The following SHANK2 variants were observed in gnomAD, a reference collection of about 807,000 sequenced individuals.
SHANK2 encodes SH3 and multiple ankyrin repeat domains 2.
In SHANK2, 43 loss-of-function variants were observed where a neutral mutation model predicts 133.7. The observed-to-expected ratio is 0.32, with a 90% CI of 0.25 to 0.41. The LOEUF (loss-of-function observed/expected upper bound fraction) is 0.41. Among genes scored for constraint, SHANK2 ranks in the 10% least tolerant of loss-of-function variants. SHANK2 has a pLI of 1.00. For synonymous variants in SHANK2, 1,017 were observed against 952.8 expected (o/e 1.07, Z -1.24); for missense variants, 1,994 against 2,235.8 (o/e 0.89, Z 2.18).
chr11:70,795,531 G>A (rs1002307199), intron 14 of SHANK2, among the ~76,000 whole-genome samples: 3 of 151,262 alleles, frequency 2.0e-5, no homozygotes, highest in African/African-American at 4.9e-5. Context: ...TCAGCCTCCC[G>A]AGGAGCTGGG....
chr11:70,523,259 C>T (rs891580991), intron 17 of SHANK2, among the ~76,000 whole-genome samples: 3 of 152,232 alleles, frequency 2.0e-5, no homozygotes, highest in African/African-American at 7.2e-5. Flanking sequence ...CGACTGGTTA[C>T]AAATACAGAT....
At chr11:70,753,186 AC>A in intron 14 of SHANK2, among the ~76,000 whole-genome samples, 1 of 151,080 alleles carries the variant, frequency 6.6e-6, no homozygotes. Flanking sequence ...AAAAAAAAAA[AC>A]AAAAAACAAA....
chr11:71,082,179 C>T (rs1193308961), intron 8 of SHANK2, among the ~76,000 whole-genome samples: 2 of 152,238 alleles, frequency 1.3e-5, no homozygotes, highest in Non-Finnish European at 2.9e-5. Context: ...ATGAGCCACT[C>T]CTGGCTGGCA....
chr11:70,645,082 C>T (rs1354756009), intron 17 of SHANK2, among the ~76,000 whole-genome samples: 1 of 152,080 alleles, frequency 6.6e-6, no homozygotes, highest in African/African-American at 2.4e-5. Context: ...ATTAGCTGGG[C>T]ACCTATAATC....
chr11:70,706,863 T>A (rs1945672964), intron 14 of SHANK2, among the ~76,000 whole-genome samples: 1 of 152,128 alleles, frequency 6.6e-6, no homozygotes, highest in Admixed American at 6.5e-5. Context: ...AATAGACCTT[T>A]AAGCAGGGCT....
chr11:71,135,352 C>T (rs1333084390), intron 3 of SHANK2, among the ~76,000 whole-genome samples: 5 of 152,204 alleles, frequency 3.3e-5, no homozygotes, highest in African/African-American at 7.2e-5. Flanking sequence ...GCCCCCCAGG[C>T]GCTTAGCTGT....
At chr11:70,858,104 G>A (rs1246869417) in intron 11 of SHANK2, among the ~76,000 whole-genome samples, 1 of 152,200 alleles carries the variant, frequency 6.6e-6, no homozygotes, top group Non-Finnish European at 1.5e-5. Flanking sequence ...TGTGCCAGGA[G>A]CTAAATTTAG....
rs1952791254 is a variant in SHANK2, at chr11:71,151,226, G to A, written c.-12-3888C>T. ...TAGTGTTTTATAACTGGGGGGCCCT[G>A]TGAGTGTTCAGGAACCTCCCGGGGA... On this transcript the variant is annotated intron_variant, in intron 2 of 25. Transcript: ENST00000601538. Among the ~76,000 whole-genome samples the A allele has an allele frequency of 3.3e-5, 5 of 152,126 alleles. No individual in the cohort carries two copies. The South Asian group carries it at 1.0e-3, about 32-fold the overall frequency.
At chr11:71,231,386 A>C (rs1366158669) in intron 1 of SHANK2, among the ~76,000 whole-genome samples, 1 of 152,222 alleles carries the variant, frequency 6.6e-6, no homozygotes, top group Non-Finnish European at 1.5e-5. Context: ...AAACAGCTAG[A>C]ATGAAAAATG....
chr11:71,076,678 G>C (rs2135988442), intron 8 of SHANK2, among the ~76,000 whole-genome samples: 1 of 152,294 alleles, frequency 6.6e-6, no homozygotes, highest in South Asian at 2.1e-4. Context: ...CTTCTTCTGG[G>C]AACTCCACCT....
intron 17 of SHANK2, among the ~76,000 whole-genome samples, chr11:70,605,684 A>G (rs1469613641): frequency 6.6e-6 from 1 of 152,234 alleles, no homozygotes; most frequent in Non-Finnish European, 1.5e-5. Flanking sequence ...CGAGGAACGC[A>G]GAGCTCAACT....
intron 1 of SHANK2, among the ~76,000 whole-genome samples, chr11:71,247,757 C>T (rs781869194): frequency 1.8e-4 from 27 of 152,208 alleles, no homozygotes; most frequent in Non-Finnish European, 3.5e-4. Flanking sequence ...CATTTGGAAT[C>T]TGCAGCCTCA....
chr11:70,662,734 C>T (rs978800710), intron 15 of SHANK2, among the ~76,000 whole-genome samples: 5 of 152,026 alleles, frequency 3.3e-5, no homozygotes, highest in Non-Finnish European at 7.4e-5. Context: ...CAACTTTGCT[C>T]TAGTGGCCAC....
At chr11:70,608,174 A>T (rs886240888) in intron 17 of SHANK2, among the ~76,000 whole-genome samples, 1 of 152,122 alleles carries the variant, frequency 6.6e-6, no homozygotes, top group African/African-American at 2.4e-5. Context: ...TCTTTTAGAG[A>T]CAGGGTTTTG....
intron 17 of SHANK2, among the ~76,000 whole-genome samples, chr11:70,519,408 C>G (rs1236693121): frequency 6.6e-6 from 1 of 152,164 alleles, no homozygotes; most frequent in Admixed American, 6.5e-5. Context: ...AATCCCAGCA[C>G]TTTGGGAAGC....
chr11:70,885,995 C>G lies in SHANK2; in HGVS notation c.1174+10506G>C, dbSNP rs971815460. ...GCACGTGACCGACCCCTTCAGCTGA[C>G]ATGAAAATGACACCAAGCAAGACTC... On this transcript the variant is annotated intron_variant, in intron 11 of 25. Transcript: ENST00000601538. Among the ~76,000 whole-genome samples the G allele has an allele frequency of 8.2e-4, 125 of 152,290 alleles. 2 individuals are homozygous for G. Among genetic ancestry groups the G allele is most frequent in the Admixed American group, 2.5e-3 (38 of 15,294 alleles).
At position 71,175,548 on chromosome 11, in the gene SHANK2, GAGGGAGAGAGAGA is replaced by G. The variant is rs1953418220; in HGVS notation, c.-12-28223_-12-28211del. On this transcript the variant is annotated intron_variant, in intron 2 of 25. Coordinates refer to ENST00000601538, the MANE Select transcript of SHANK2 (RefSeq NM_012309.5). The surrounding 1 kb of genome is among the most constrained non-coding windows in gnomAD (Gnocchi z 4.2). ...AGACAGACAGACAGAGGGAGAGGGAGAGGGAGAGAGAGAGAGAGAGAGAGAGAGAGAGAGAGAG... is the reference window on the plus strand; with the variant it reads ...AGACAGACAGACAGAGGGAGAGGGAGGAGAGAGAGAGAGAGAGAGAGAGAG... Among the ~76,000 whole-genome samples, 1 of 12,668 alleles carries G rather than the reference GAGGGAGAGAGAGA, an allele frequency of 7.9e-5. No individual in the cohort carries two copies. Among genetic ancestry groups the G allele is most frequent in the African/African-American group, 1.5e-4 (1 of 6,816 alleles). The allele number at this position is 12,668 out of a possible 152,430, so 8.3% of individuals were successfully genotyped here.
intron 25 of SHANK2, among the ~76,000 whole-genome samples, chr11:70,480,975 T>C (rs1284532403): frequency 6.6e-6 from 1 of 152,226 alleles, no homozygotes; most frequent in Non-Finnish European, 1.5e-5. Flanking sequence ...TGGCAGCTGT[T>C]GTCTTGGCAT....
At chr11:70,621,608 T>G (rs2060830252) in intron 17 of SHANK2, among the ~76,000 whole-genome samples, 1 of 152,196 alleles carries the variant, frequency 6.6e-6, no homozygotes, top group Admixed American at 6.5e-5. Flanking sequence ...TCCCAGCTCC[T>G]TCATTTCCCA....
Sources: gnomAD v4.1 joint callset for allele counts (sites outside exome capture counted in the v4.1 genomes callset) on GRCh38, gnomAD v4.1.1 for gene constraint, Gnocchi (gnomAD v3.1) non-coding constraint, MANE v1.5 for transcripts, NCBI Gene and HGNC (gene_info 2026-07-23, HGNC 2026-07-21) for gene names.